TPO: variants seen among roughly 807,000 people sequenced by gnomAD.
The protein encoded by TPO is thyroid microsomal antigen.
TPO carries 78 observed loss-of-function variants against 96.9 expected under a neutral mutation model. The observed-to-expected ratio is 0.81, with a 90% CI of 0.67 to 0.97. The LOEUF (loss-of-function observed/expected upper bound fraction) is 0.97, where lower values mean the gene tolerates loss of function less well. Among genes scored for constraint, TPO ranks in the 50% least tolerant of loss-of-function variants. TPO has a pLI of 0.00. For missense variants in TPO, 1,252 were observed against 1,274.8 expected, an observed-to-expected ratio of 0.98 and a Z score of 0.27; for synonymous variants, 547 against 538.0, an observed-to-expected ratio of 1.02 and a Z score of -0.23.
At chr2:1,531,249 T>TTCCCCCCACTGTGTGGACCCTTCTCAAA (rs1678142564) in intron 15 of TPO, among the ~76,000 whole-genome samples, 2 of 94,600 alleles carry the variant, frequency 2.1e-5, no homozygotes, top group African/African-American at 8.6e-5. Flanking sequence ...CCGCCTCATA[T>TTCCCCCCACTGTGTGGACCCTTCTCAAA]TCCCCCCACT....
intron 14 of TPO, among the ~76,000 whole-genome samples, chr2:1,514,693 G>A (rs1006989944): frequency 1.3e-5 from 2 of 152,224 alleles, no homozygotes; most frequent in Non-Finnish European, 2.9e-5. Flanking sequence ...TCTCAGCTGG[G>A]TATCTCCCAG....
chr2:1,527,550 T>C (rs1458577683), intron 15 of TPO, among the ~76,000 whole-genome samples: 5 of 144,338 alleles, frequency 3.5e-5, no homozygotes, highest in Non-Finnish European at 7.5e-5. Context: ...CCAACTGTGT[T>C]CAGCTTCCCC....
At chr2:1,426,186 C>T (rs1166980516) in intron 3 of TPO, among the ~76,000 whole-genome samples, 23 of 127,160 alleles carry the variant, frequency 1.8e-4, no homozygotes, top group South Asian at 5.4e-4. Context: ...CATTTCATAT[C>T]CTCAGAAGTC....
At chr2:1,395,738 G>GTGT (rs1251315932) in intron 1 of TPO, among the ~76,000 whole-genome samples, 1 of 130,914 alleles carries the variant, frequency 7.6e-6, no homozygotes, top group Non-Finnish European at 1.5e-5. Context: ...TAGTGATAGT[G>GTGT]TGTTCTAGTG....
chr2:1,477,467 C>T lies in TPO; in HGVS notation c.1201C>T (p.Pro401Ser). 6.5e-7 allele frequency: 1 copy of T among 1,528,244 alleles called. No homozygotes were observed. The highest frequency in any genetic ancestry group is 8.7e-7 in the Non-Finnish European group (1 of 1,143,136). The allele number at this position is 1,528,244 out of a possible 1,614,324, so 94.7% of individuals were successfully genotyped here. The part of the protein sequence containing the change: ...LAGDGRASEV[P>S]SLTALHTLWL... The stretch of plus-strand genomic sequence containing the variant: ...CGGAGACGGCCGCGCCAGCGAGGTC[C>T]CCTCCCTGACGGCACTGCACACGCT... The change falls in exon 8 of 17, where the codon CCC (proline) becomes TCC (serine). Residue 401 changes from proline to serine, a missense_variant. Physicochemically the swap from Pro to Ser is moderately conservative, Grantham distance 74. Transcript: ENST00000329066.
At chr2:1,522,667 G>C (rs1027328313) in intron 15 of TPO, among the ~76,000 whole-genome samples, 1 of 152,044 alleles carries the variant, frequency 6.6e-6, no homozygotes, top group Non-Finnish European at 1.5e-5. Flanking sequence ...GGCTTCGAAT[G>C]TTCAAGTCTG....
chr2:1,431,148 T>C (rs189313672), intron 3 of TPO, among the ~76,000 whole-genome samples: 6 of 152,066 alleles, frequency 3.9e-5, no homozygotes, highest in Admixed American at 3.3e-4. Context: ...TGAGAGGCGA[T>C]TGGATCACAA....
chr2:1,421,413 C>T (rs1413088611), intron 2 of TPO, among the ~76,000 whole-genome samples: 9 of 152,152 alleles, frequency 5.9e-5, no homozygotes, highest in African/African-American at 2.2e-4. Context: ...GAGAAAACCG[C>T]GCCAGGTGAA....
intron 2 of TPO, among the ~76,000 whole-genome samples, chr2:1,422,470 G>A (rs996047644): frequency 1.0e-5 from 1 of 95,636 alleles, no homozygotes; most frequent in African/African-American, 4.5e-5. Context: ...TCATTCCTTT[G>A]GTGAAGTATT....
intron 1 of TPO, among the ~76,000 whole-genome samples, chr2:1,398,663 T>C (rs1176820815): frequency 3.9e-5 from 6 of 152,182 alleles, no homozygotes; most frequent in Non-Finnish European, 7.3e-5. Flanking sequence ...ATCACCTGGT[T>C]CATGTGCAGG....
intron 15 of TPO, among the ~76,000 whole-genome samples, chr2:1,531,212 A>ATATTCC (rs1678125709): frequency 2.4e-5 from 1 of 42,086 alleles, no homozygotes; most frequent in African/African-American, 1.1e-4. Flanking sequence ...GTCTGCAACC[A>ATATTCC]CCCCAAATCG....
At chr2:1,445,582 G>A (rs1475722080) in intron 5 of TPO, among the ~76,000 whole-genome samples, 3 of 144,576 alleles carry the variant, frequency 2.1e-5, no homozygotes, top group Non-Finnish European at 4.5e-5. Flanking sequence ...GCTCCTTCTT[G>A]TTTGTATGAT....
At chr2:1,507,249 GT>G (rs896495480) in intron 14 of TPO, among the ~76,000 whole-genome samples, 2 of 152,268 alleles carry the variant, frequency 1.3e-5, no homozygotes, top group Non-Finnish European at 2.9e-5. Flanking sequence ...CTATATCTCT[GT>G]TTTGGTACCA....
rs745331564 is a variant in TPO, at chr2:1,540,582, T to C, written c.2619-12T>C. ...GACCCTCTCCCGATAACTGGACACG[T>C]GTCTCCCACAGGACACGCACTGGCA... On this transcript the variant is annotated splice_polypyrimidine_tract_variant and intron_variant, in intron 15 of 16. Transcript: ENST00000329066. 2 of 1,612,902 alleles carry C rather than the reference T, an allele frequency of 1.2e-6. No individual in the cohort carries two copies. The highest frequency in any genetic ancestry group is 8.5e-7 in the Non-Finnish European group (1 of 1,179,998).
intron 14 of TPO, among the ~76,000 whole-genome samples, chr2:1,506,548 G>A (rs13385085): frequency 0.61 from 91,883 of 151,788 alleles, 28,035 homozygotes; most frequent in African/African-American, 0.7. Flanking sequence ...AGCACCTGTT[G>A]TTTCCTGACT....
chr2:1,393,487 G>A (rs1662035184), intron 1 of TPO, among the ~76,000 whole-genome samples: 1 of 152,208 alleles, frequency 6.6e-6, no homozygotes, highest in Non-Finnish European at 1.5e-5. Context: ...TGTTGGGGGA[G>A]GGCCTGGGCT....
chr2:1,527,068 T>TG (rs1676727677), intron 15 of TPO, among the ~76,000 whole-genome samples: 1 of 26,642 alleles, frequency 3.8e-5, no homozygotes, highest in Non-Finnish European at 6.8e-5. Flanking sequence ...TCAAATCCCC[T>TG]CACTGTGTGC....
chr2:1,514,327 C>G (rs923880921), intron 14 of TPO, among the ~76,000 whole-genome samples: 4 of 152,220 alleles, frequency 2.6e-5, no homozygotes, highest in Non-Finnish European at 4.4e-5. Flanking sequence ...CAGGACCCAA[C>G]TCAAAAACAC....
At chr2:1,400,313 T>C (rs11682231) in intron 1 of TPO, among the ~76,000 whole-genome samples, 66,942 of 151,852 alleles carry the variant, frequency 0.44, 15,385 homozygotes, top group Admixed American at 0.56. Context: ...GCCAACATGG[T>C]GAAACCCTGT....
Sources: gnomAD v4.1 joint callset for allele counts (sites outside exome capture counted in the v4.1 genomes callset) on GRCh38, gnomAD v4.1.1 for gene constraint, MANE v1.5 for transcripts, NCBI Gene and HGNC (gene_info 2026-07-23, HGNC 2026-07-21) for gene names.